RASSF8: variants seen among roughly 807,000 people sequenced by gnomAD.
The protein encoded by RASSF8 is Ras association domain family member 8.
In RASSF8, 22 loss-of-function variants were observed where a neutral mutation model predicts 48.5. The ratio of observed to expected loss-of-function variants is 0.45; its 90% CI spans 0.32 to 0.65. The LOEUF (loss-of-function observed/expected upper bound fraction) is 0.65, where lower values mean the gene tolerates loss of function less well. Ranked by LOEUF, RASSF8 falls within the 30% of genes least tolerant of loss-of-function variation. RASSF8 has a pLI of 0.03. For synonymous variants in RASSF8, 127 were observed against 171.5 expected, an observed-to-expected ratio of 0.74 and a Z score of 2.03; for missense variants, 418 against 489.2, an observed-to-expected ratio of 0.85 and a Z score of 1.37.
At chr12:26,010,578 T>C (rs1942499071) in intron 2 of RASSF8, among the ~76,000 whole-genome samples, 1 of 152,240 alleles carries the variant, frequency 6.6e-6, no homozygotes, top group South Asian at 2.1e-4. Context: ...AGCTCTTTCC[T>C]TAATTATCTC....
intron 3 of RASSF8, among the ~76,000 whole-genome samples, chr12:26,061,337 TTA>T (rs1021659622): frequency 2.2e-4 from 33 of 152,168 alleles, no homozygotes; most frequent in African/African-American, 8.0e-4. Flanking sequence ...TTCTTTTAAT[TTA>T]TGTCAATCAG....
chr12:26,074,462 C>T (rs927367038), downstream of RASSF8, among the ~76,000 whole-genome samples: 7 of 152,050 alleles, frequency 4.6e-5, no homozygotes, highest in African/African-American at 1.7e-4. Flanking sequence ...CCTGCCTCAG[C>T]CTCCTGAGTA....
At chr12:26,012,675 C>CTTT (rs1565618104) in intron 2 of RASSF8, among the ~76,000 whole-genome samples, 3 of 134,716 alleles carry the variant, frequency 2.2e-5, no homozygotes, top group South Asian at 2.3e-4. Context: ...CATGTGAGGC[C>CTTT]TTTTTTCTTT....
At chr12:26,039,061 A>G (rs1172147523) in intron 2 of RASSF8, among the ~76,000 whole-genome samples, 1 of 152,130 alleles carries the variant, frequency 6.6e-6, no homozygotes, top group African/African-American at 2.4e-5. Flanking sequence ...AAGGAACATC[A>G]TGGATGTTCC....
chr12:25,986,947 T>G (rs2458447), intron 1 of RASSF8, among the ~76,000 whole-genome samples: 5 of 139,642 alleles, frequency 3.6e-5, no homozygotes, highest in East Asian at 2.7e-4. Flanking sequence ...TGTTTGTTTG[T>G]TTGTTTTGCA....
Position 26,072,558 on chromosome 12 carries a change from G to T in RASSF8, c.*3740G>T, listed in dbSNP as rs968302775. ...GGGGGAGGGGAAAGATTAAAAAATA[G>T]ATTTACAGCCAGACATGGTGATAGC... On this transcript the variant is annotated 3_prime_UTR_variant, in exon 6 of 6. Coordinates refer to ENST00000689635, the MANE Select transcript of RASSF8 (RefSeq NM_001394098.1). The T allele has an allele frequency of 4.0e-5, 39 of 984,760 alleles. No homozygotes were observed. Among genetic ancestry groups the T allele is most frequent in the Admixed American group, 6.2e-5 (1 of 16,256 alleles). The allele number at this position is 984,760 out of a possible 1,614,324, so 61.0% of individuals were successfully genotyped here.
At chr12:26,008,648 A>G (rs1043587939) in intron 2 of RASSF8, among the ~76,000 whole-genome samples, 2 of 152,230 alleles carry the variant, frequency 1.3e-5, no homozygotes, top group Non-Finnish European at 2.9e-5. Flanking sequence ...AATTTCTTAT[A>G]GTAATATTTG....
intron 2 of RASSF8, chr12:26,020,535 A>G (rs1439005640): frequency 6.6e-6 from 1 of 152,170 alleles, no homozygotes; most frequent in Non-Finnish European, 1.5e-5. Flanking sequence ...TTTTTTTTTA[A>G]AAGAATATTG....
chr12:26,062,130 C>A (rs1943757642), intron 3 of RASSF8, among the ~76,000 whole-genome samples: 2 of 152,200 alleles, frequency 1.3e-5, no homozygotes, highest in Non-Finnish European at 2.9e-5. Context: ...GTTTATCTAA[C>A]CCCTCCTGTT....
intron 1 of RASSF8, among the ~76,000 whole-genome samples, chr12:25,962,634 A>C (rs922845072): frequency 7.9e-5 from 12 of 151,776 alleles, no homozygotes; most frequent in African/African-American, 2.9e-4. Context: ...TATGTTGCCC[A>C]GTTGGTCTTA....
intron 2 of RASSF8, among the ~76,000 whole-genome samples, chr12:26,022,199 A>C (rs758423005): frequency 5.3e-5 from 8 of 152,196 alleles, no homozygotes; most frequent in Non-Finnish European, 7.3e-5. Context: ...ATGAGGCAAA[A>C]GAGAGATAAG....
intron 4 of RASSF8, 149 bp downstream of exon 4, chr12:26,065,536 C>A (rs541519352): frequency 1.9e-6 from 2 of 1,031,438 alleles, no homozygotes; most frequent in Non-Finnish European, 2.8e-6. Context: ...TTGTGACTTA[C>A]GACAGCTTAG....
At chr12:26,008,044 C>T (rs1253253658) in intron 2 of RASSF8, among the ~76,000 whole-genome samples, 3 of 152,116 alleles carry the variant, frequency 2.0e-5, no homozygotes, top group East Asian at 1.9e-4. Context: ...GAGGCCGAGG[C>T]GGGCAGATCT....
chr12:26,072,558 G>GCAAAAAAA lies in RASSF8; in HGVS notation c.*3740_*3741insCAAAAAAA. ...GGGGGAGGGGAAAGATTAAAAAATA[G>GCAAAAAAA]ATTTACAGCCAGACATGGTGATAGC... On this transcript the variant is annotated 3_prime_UTR_variant, in exon 6 of 6. Coordinates refer to ENST00000689635, the MANE Select transcript of RASSF8 (RefSeq NM_001394098.1). The GCAAAAAAA allele has an allele frequency of 1.0e-6, 1 of 984,880 alleles. No individual in the cohort carries two copies. Among genetic ancestry groups the GCAAAAAAA allele is most frequent in the Non-Finnish European group, 1.2e-6 (1 of 829,514 alleles). 61.0% of individuals were successfully genotyped at this position (984,880 alleles called of 1,614,324 possible).
chr12:26,035,929 C>T (rs1454422353), intron 2 of RASSF8, among the ~76,000 whole-genome samples: 1 of 142,714 alleles, frequency 7.0e-6, no homozygotes, highest in Non-Finnish European at 1.5e-5. Flanking sequence ...TGATATATAT[C>T]ATATATTTCA....
downstream of RASSF8, among the ~76,000 whole-genome samples, chr12:26,073,950 C>CTA (rs371210851): frequency 4.8e-4 from 68 of 142,998 alleles, no homozygotes; most frequent in Non-Finnish European, 7.4e-4. Context: ...AATTTCCCAT[C>CTA]TATATATATA....
In RASSF8 at chr12:25,969,499, G is replaced by A. The variant is rs1941435045; in HGVS notation, c.-203+10351G>A. ...TTCACTCTGCTGTTATATGGAAAGT[G>A]TTTGCCAAGGGGAAGTAAGGCTAGA... On this transcript the variant is annotated intron_variant, in intron 1 of 5. Coordinates refer to ENST00000689635, the MANE Select transcript of RASSF8 (RefSeq NM_001394098.1). Among the ~76,000 whole-genome samples the A allele has an allele frequency of 2.6e-5, 4 of 152,284 alleles. No homozygotes were observed. In the South Asian group the frequency reaches 8.3e-4, roughly 32 times the overall value.
chr12:26,020,922 C>T (rs1252696048), intron 2 of RASSF8, among the ~76,000 whole-genome samples: 1 of 152,130 alleles, frequency 6.6e-6, no homozygotes, highest in African/African-American at 2.4e-5. Context: ...TTACGAAGGA[C>T]TAAATATATT....
chr12:26,062,385 T>C (rs1368535109), intron 3 of RASSF8, among the ~76,000 whole-genome samples: 3 of 152,234 alleles, frequency 2.0e-5, no homozygotes, highest in Admixed American at 6.5e-5. Context: ...CTTATTAGCC[T>C]GGGCATTTTG....
Sources: gnomAD v4.1 joint callset for allele counts (sites outside exome capture counted in the v4.1 genomes callset) on GRCh38, gnomAD v4.1.1 for gene constraint, MANE v1.5 for transcripts, NCBI Gene and HGNC (gene_info 2026-07-23, HGNC 2026-07-21) for gene names.